AKR1E2: variants seen among roughly 807,000 people sequenced by gnomAD.
AKR1E2 encodes the protein 1,5-anhydro-D-fructose reductase.
Under a neutral mutation model 41.9 loss-of-function variants are expected in AKR1E2, and 43 were observed. The ratio of observed to expected loss-of-function variants is 1.03; its 90% CI spans 0.80 to 1.32. The LOEUF (loss-of-function observed/expected upper bound fraction) is 1.32, where lower values mean the gene tolerates loss of function less well. Ranked by LOEUF, AKR1E2 falls within the 40% of genes most tolerant of loss-of-function variation. AKR1E2 has a pLI of 0.00. For missense variants in AKR1E2, 423 were observed against 396.5 expected (o/e 1.07, Z -0.57); for synonymous variants, 121 against 138.9 (o/e 0.87, Z 0.91).
chr10:4,839,730 T>C lies in AKR1E2; in HGVS notation c.584T>C (p.Ile195Thr), dbSNP rs1833719720. The C allele has an allele frequency of 6.2e-7, 1 of 1,613,108 alleles. No individual in the cohort carries two copies. The highest frequency in any genetic ancestry group is 1.3e-5 in the African/African-American group (1 of 74,914). Residue 195 changes from isoleucine (I) to threonine (T), a missense_variant and splice_region_variant, in exon 6 of 10, where the codon ATT (isoleucine) becomes ACT (threonine). Transcript: ENST00000298375. ...GLRFKPLTNQIECHPYLTQKN... is the reference protein window; with the variant it reads ...GLRFKPLTNQTECHPYLTQKN... ...ATGTAAGCTATGATTCTGTTATAGA[T>C]TGAGTGCCACCCATATCTTACTCAG... is the stretch of plus-strand genomic sequence containing the variant.
downstream of AKR1E2, among the ~76,000 whole-genome samples, chr10:4,849,113 C>T (rs777616470): frequency 1.3e-5 from 2 of 152,128 alleles, no homozygotes; most frequent in African/African-American, 4.8e-5. Flanking sequence ...GGTGCAAGAG[C>T]TTCATGGGAG....
the AKR1E2 span, among the ~76,000 whole-genome samples, chr10:4,855,222 CTG>C: frequency 2.0e-5 from 3 of 152,160 alleles, no homozygotes; most frequent in East Asian, 5.8e-4. Flanking sequence ...GTAAAAATAA[CTG>C]TTTATCTTCT....
the AKR1E2 span, among the ~76,000 whole-genome samples, chr10:4,867,360 C>T: frequency 6.6e-6 from 1 of 152,190 alleles, no homozygotes; most frequent in Non-Finnish European, 1.5e-5. Flanking sequence ...ATTCACGTTT[C>T]CATCTCCACA....
At chr10:4,828,400 C>T (rs1446917781) in intron 1 of AKR1E2, among the ~76,000 whole-genome samples, 4 of 152,204 alleles carry the variant, frequency 2.6e-5, no homozygotes, top group Non-Finnish European at 4.4e-5. Context: ...TGTGCCTGAT[C>T]GGTGCTGTCT....
At chr10:4,840,137 C>T (rs1039154293) in intron 6 of AKR1E2, among the ~76,000 whole-genome samples, 10 of 152,286 alleles carry the variant, frequency 6.6e-5, no homozygotes, top group Middle Eastern at 3.4e-3. Flanking sequence ...GACCTCCTGA[C>T]AAGGATGCTC....
At chr10:4,862,230 C>A in the AKR1E2 span, among the ~76,000 whole-genome samples, 1 of 152,122 alleles carries the variant, frequency 6.6e-6, no homozygotes, top group Non-Finnish European at 1.5e-5. Flanking sequence ...TGTCAAAGAT[C>A]AGATAGTTGT....
intron 3 of AKR1E2, among the ~76,000 whole-genome samples, chr10:4,833,787 G>C (rs1320549445): frequency 1.3e-5 from 2 of 152,168 alleles, no homozygotes; most frequent in African/African-American, 4.8e-5. Context: ...AAATACTGCT[G>C]CTCAGAGAAA....
At chr10:4,827,604 T>TAA (rs79049050) in intron 1 of AKR1E2, among the ~76,000 whole-genome samples, 2 of 146,340 alleles carry the variant, frequency 1.4e-5, no homozygotes, top group Non-Finnish European at 3.0e-5. Flanking sequence ...ATTTGATCTT[T>TAA]AAAAAAAAAA....
At chr10:4,867,855 G>T in the AKR1E2 span, among the ~76,000 whole-genome samples, 3 of 151,910 alleles carry the variant, frequency 2.0e-5, no homozygotes, top group East Asian at 1.9e-4. Context: ...GCGTCCTCAG[G>T]GTCCGTCTTT....
At chr10:4,872,547 A>G in the AKR1E2 span, among the ~76,000 whole-genome samples, 1 of 152,288 alleles carries the variant, frequency 6.6e-6, no homozygotes. Context: ...AAGTCATTGA[A>G]TAGTTATTGT....
chr10:4,828,320 A>T (rs1832707464), intron 1 of AKR1E2, among the ~76,000 whole-genome samples: 1 of 152,192 alleles, frequency 6.6e-6, no homozygotes, highest in South Asian at 2.1e-4. Flanking sequence ...CAAGAGAGCA[A>T]GGGGAGCGGT....
At chr10:4,830,182 A>G (rs1832860409) in intron 1 of AKR1E2, among the ~76,000 whole-genome samples, 1 of 152,142 alleles carries the variant, frequency 6.6e-6, no homozygotes, top group Non-Finnish European at 1.5e-5. Flanking sequence ...CCTGAGCTTC[A>G]TTTAGAGTGA....
upstream of AKR1E2, chr10:4,826,145 A>C (rs1051381782): frequency 2.2e-6 from 1 of 449,182 alleles, no homozygotes; most frequent in Non-Finnish European, 3.7e-6. Flanking sequence ...CCGGCGCGCG[A>C]CACCAGCAGC....
At chr10:4,839,566 G>A (rs1833705886) in intron 5 of AKR1E2, among the ~76,000 whole-genome samples, 163 bp from the exon 6 acceptor site, 1 of 152,210 alleles carries the variant, frequency 6.6e-6, no homozygotes, top group African/African-American at 2.4e-5. Flanking sequence ...TGGCCTCTTG[G>A]AGATTGCTCT....
At chr10:4,862,938 AG>A in the AKR1E2 span, among the ~76,000 whole-genome samples, 241 of 152,280 alleles carry the variant, frequency 1.6e-3, 1 homozygote, top group African/African-American at 5.5e-3. Context: ...CACCCAATGT[AG>A]GGGCACCCAG....
chr10:4,853,668 G>A, the AKR1E2 span, among the ~76,000 whole-genome samples: 1 of 152,112 alleles, frequency 6.6e-6, no homozygotes, highest in Non-Finnish European at 1.5e-5. Context: ...AACTGAAAGT[G>A]GGGACAACTG....
At chr10:4,854,218 C>T in the AKR1E2 span, among the ~76,000 whole-genome samples, 7 of 151,940 alleles carry the variant, frequency 4.6e-5, no homozygotes, top group East Asian at 3.9e-4. Context: ...CTCAGCCTCC[C>T]GAGTATCTGG....
At chr10:4,836,964 G>A (rs1049878987) in intron 4 of AKR1E2, among the ~76,000 whole-genome samples, 1 of 152,200 alleles carries the variant, frequency 6.6e-6, no homozygotes, top group African/African-American at 2.4e-5. Flanking sequence ...CTGCCCTAAA[G>A]TGTCTTAAAA....
At chr10:4,835,202 C>A (rs542526808) in intron 3 of AKR1E2, among the ~76,000 whole-genome samples, 1 of 152,242 alleles carries the variant, frequency 6.6e-6, no homozygotes, top group Non-Finnish European at 1.5e-5. Context: ...CAAGATGTAT[C>A]TCTCTGCCCT....
Sources: gnomAD v4.1 joint callset for allele counts (sites outside exome capture counted in the v4.1 genomes callset) on GRCh38, gnomAD v4.1.1 for gene constraint, MANE v1.5 for transcripts, NCBI Gene and HGNC (gene_info 2026-07-23, HGNC 2026-07-21) for gene names.